The following ZC3H12B variants were observed in gnomAD, a reference collection of about 807,000 sequenced individuals.
The protein encoded by ZC3H12B is probable ribonuclease ZC3H12B.
A neutral mutation model predicts 43.9 loss-of-function variants in ZC3H12B; 7 were observed. The observed-to-expected ratio is 0.16, with a 90% CI of 0.09 to 0.30. ZC3H12B has a LOEUF of 0.30. Ranked by LOEUF, ZC3H12B falls within the 10% of genes least tolerant of loss-of-function variation. The probability of loss-of-function intolerance (pLI) is 1.00; values close to 1 mark genes in which losing one functional copy is unlikely to be tolerated. For synonymous variants in ZC3H12B, 222 were observed against 241.7 expected (o/e 0.92, Z 0.76); for missense variants, 475 against 670.2 (o/e 0.71, Z 3.22).
chrX:65,399,174 C>T (rs770464554), intron 3 of ZC3H12B, among the ~76,000 whole-genome samples: 3 of 112,285 alleles, frequency 2.7e-5, no homozygotes, highest in Non-Finnish European at 3.8e-5. Flanking sequence ...GCAACCAACA[C>T]ACAAATGGAC....
At chrX:65,260,114 GT>G in the ZC3H12B span, among the ~76,000 whole-genome samples, 1 of 110,865 alleles carries the variant, frequency 9.0e-6, no homozygotes, top group Non-Finnish European at 1.9e-5. Context: ...TAGACATTGG[GT>G]ACAGTGTAGA....
chrX:65,468,585 G>A (rs1326205172), intron 3 of ZC3H12B, among the ~76,000 whole-genome samples: 2 of 102,261 alleles, frequency 2.0e-5, no homozygotes, highest in Admixed American at 1.1e-4. Context: ...CCAGGTTCAC[G>A]CCATTCTCCT....
chrX:65,152,893 A>C, the ZC3H12B span, among the ~76,000 whole-genome samples: 860 of 111,662 alleles, frequency 7.7e-3, 7 homozygotes, highest in African/African-American at 0.026. Context: ...AGATATAGAT[A>C]AATGGAACAG....
the ZC3H12B span, among the ~76,000 whole-genome samples, chrX:65,035,585 G>A: frequency 9.0e-6 from 1 of 111,114 alleles, no homozygotes; most frequent in Non-Finnish European, 1.9e-5. Context: ...CCAGTGCCGT[G>A]CTCGCCCCTT....
At chrX:65,209,740 A>G in the ZC3H12B span, among the ~76,000 whole-genome samples, 1 of 107,762 alleles carries the variant, frequency 9.3e-6, no homozygotes, top group African/African-American at 3.4e-5. Flanking sequence ...ATGGAACAGA[A>G]CAGAGCCCTC....
the ZC3H12B span, among the ~76,000 whole-genome samples, chrX:65,098,477 T>C: frequency 9.1e-6 from 1 of 110,342 alleles, no homozygotes; most frequent in Non-Finnish European, 1.9e-5. Context: ...GAACAGGAAC[T>C]GTCCAGTCTG....
chrX:65,215,270 G>A, the ZC3H12B span, among the ~76,000 whole-genome samples: 1 of 111,546 alleles, frequency 9.0e-6, no homozygotes, highest in African/African-American at 3.3e-5. Flanking sequence ...TTAAAGTCAG[G>A]CATTGACTTC....
intron 1 of ZC3H12B, among the ~76,000 whole-genome samples, chrX:65,496,505 T>G (rs2068284664): frequency 9.0e-6 from 1 of 110,934 alleles, no homozygotes; most frequent in African/African-American, 3.3e-5. Flanking sequence ...GAACTAGTGA[T>G]AGGAGATAGC....
the ZC3H12B span, among the ~76,000 whole-genome samples, chrX:65,078,201 T>A: frequency 8.9e-6 from 1 of 112,089 alleles, no homozygotes; most frequent in Non-Finnish European, 1.9e-5. Flanking sequence ...AAGTTTGAGA[T>A]ATGTGAGTGA....
At chrX:65,221,323 G>A in the ZC3H12B span, among the ~76,000 whole-genome samples, 1 of 111,018 alleles carries the variant, frequency 9.0e-6, no homozygotes, top group African/African-American at 3.3e-5. Context: ...TCTAGCAGAA[G>A]AAAATAAATA....
At chrX:65,386,686 A>T (rs1006739101) in intron 2 of ZC3H12B, among the ~76,000 whole-genome samples, 1 of 110,913 alleles carries the variant, frequency 9.0e-6, no homozygotes, top group Non-Finnish European at 1.9e-5. Context: ...GCCTTCTGCT[A>T]CCTTTTGAAC....
At chrX:65,163,710 C>A in the ZC3H12B span, among the ~76,000 whole-genome samples, 3 of 111,796 alleles carry the variant, frequency 2.7e-5, no homozygotes, top group African/African-American at 9.8e-5. Context: ...ACTCCCCAAC[C>A]CCTTGTGCTT....
At chrX:65,396,240 C>T (rs2066695697) in intron 2 of ZC3H12B, among the ~76,000 whole-genome samples, 2 of 111,518 alleles carry the variant, frequency 1.8e-5, no homozygotes, top group Non-Finnish European at 3.8e-5. Context: ...AATTTGTTTG[C>T]TCTTGCTTCT....
the ZC3H12B span, among the ~76,000 whole-genome samples, chrX:65,263,722 G>C: frequency 9.0e-6 from 1 of 111,479 alleles, no homozygotes; most frequent in Admixed American, 9.6e-5. Context: ...GGGAATGTAA[G>C]TTAGTACAAC....
At chrX:65,304,615 C>CA in the ZC3H12B span, among the ~76,000 whole-genome samples, 1,795 of 69,606 alleles carry the variant, frequency 0.026, 17 homozygotes, top group Middle Eastern at 0.05. Context: ...CACTCCGTCT[C>CA]AAAAAAAAAA....
At chrX:65,133,366 T>C in the ZC3H12B span, among the ~76,000 whole-genome samples, 1 of 110,248 alleles carries the variant, frequency 9.1e-6, no homozygotes, top group Admixed American at 9.6e-5. Context: ...GGTAATAAAA[T>C]GCACACCGAG....
chrX:65,192,326 A>G, the ZC3H12B span, among the ~76,000 whole-genome samples: 3 of 111,571 alleles, frequency 2.7e-5, no homozygotes, highest in East Asian at 5.6e-4. Context: ...TTCCATTCCA[A>G]TTTGGATACC....
intron 1 of ZC3H12B, among the ~76,000 whole-genome samples, chrX:65,491,135 T>G (rs761404049): frequency 1.4e-4 from 16 of 112,291 alleles, no homozygotes; most frequent in Non-Finnish European, 1.5e-4. Flanking sequence ...AACTCGAACT[T>G]AAGTCCTCTG....
chrX:65,225,629 A>C, the ZC3H12B span, among the ~76,000 whole-genome samples: 1 of 112,227 alleles, frequency 8.9e-6, no homozygotes, highest in Non-Finnish European at 1.9e-5. Context: ...AACTTTGAAA[A>C]AAATTTAGAC....
Sources: allele counts gnomAD v4.1 joint callset (sites outside exome capture counted in the v4.1 genomes callset), GRCh38; gene constraint gnomAD v4.1.1; transcripts MANE v1.5; gene names NCBI Gene and HGNC (gene_info 2026-07-23, HGNC 2026-07-21).